IST1: variants seen among roughly 807,000 people sequenced by gnomAD.
IST1 encodes the protein IST1 homolog.
Under a neutral mutation model 37.0 loss-of-function variants are expected in IST1, and 23 were observed. That is an observed-to-expected ratio of 0.62 (90% CI 0.45 to 0.88). The LOEUF (loss-of-function observed/expected upper bound fraction) is 0.88. IST1 is among the 40% of genes least tolerant of loss of function. IST1 has a pLI of 0.00. For missense variants in IST1, 488 were observed against 445.4 expected (o/e 1.10, Z -0.86); for synonymous variants, 180 against 161.7 (o/e 1.11, Z -0.86).
At chr16:71,909,255 G>GCACCCC (rs1306523421) in intron 1 of IST1, among the ~76,000 whole-genome samples, 1 of 151,890 alleles carries the variant, frequency 6.6e-6, no homozygotes, top group Non-Finnish European at 1.5e-5. Flanking sequence ...CTACAGGCGT[G>GCACCCC]CACCCCCACA....
In IST1 at chr16:71,922,636, C is replaced by G; in HGVS notation, c.715C>G (p.Pro239Ala). 6.2e-7 allele frequency: 1 copy of G among 1,613,614 alleles called. No individual in the cohort carries two copies. The change falls in exon 7 of 10, where the codon CCA (proline) becomes GCA (alanine). Residue 239 changes from proline (P) to alanine (A), a missense_variant. Physicochemically the swap from Pro to Ala is conservative, Grantham distance 27 (BLOSUM62 -1). Around this residue, in one of 2 missense-constraint regions of IST1, gnomAD observed 455 missense variants for 386.2 expected, o/e 1.18. Transcript: ENST00000378799. ...GCCCATGCCCATGCCCATGCCTATGCCATCTGCAAATACGCCTTTCTCATA... is the reference window on the plus strand; with the variant it reads ...GCCCATGCCCATGCCCATGCCTATGGCATCTGCAAATACGCCTTTCTCATA... Reference protein sequence around the residue: ...PMPMPMPMPMPSANTPFSYPL... With the variant: ...PMPMPMPMPMASANTPFSYPL...
intron 5 of IST1, 100 bp from the exon 6 acceptor site, chr16:71,921,243 A>G (rs557565631): frequency 2.7e-6 from 2 of 742,708 alleles, no homozygotes; most frequent in African/African-American, 1.7e-5. Context: ...TTTTCCCTCA[A>G]TATTACCTGT....
intron 2 of IST1, 42 bp downstream of exon 2, chr16:71,915,770 T>C: frequency 8.3e-7 from 1 of 1,202,130 alleles, no homozygotes; most frequent in Non-Finnish European, 1.2e-6. Context: ...AATCACTGGA[T>C]ACTAGCACCC....
intron 6 of IST1, 181 bp downstream of exon 6, chr16:71,921,634 A>T: frequency 5.6e-6 from 3 of 538,318 alleles, no homozygotes; most frequent in Non-Finnish European, 1.0e-5. Context: ...AATTAGATGA[A>T]TGACAACACT....
intron 4 of IST1, 71 bp from the exon 5 acceptor site, chr16:71,920,668 T>G: frequency 9.3e-7 from 1 of 1,079,546 alleles, no homozygotes. Flanking sequence ...TGTTTACTGT[T>G]GCCAGGAAGA....
At position 71,930,447 on chromosome 16, in the gene IST1, T is replaced by C; in HGVS notation, c.*2634T>C. On this transcript the variant is annotated 3_prime_UTR_variant, in exon 10 of 10. Transcript: ENST00000378799. ...TGAGTTGCAGTGGAATTGGAAATGA[T>C]TCAAATGTCACATGAGTTTTGGCAA... 3.3e-6 allele frequency: 1 copy of C among 298,966 alleles called. No homozygotes were observed. The highest frequency in any genetic ancestry group is 6.1e-6 in the Non-Finnish European group (1 of 163,144). 18.5% of individuals were successfully genotyped at this position (298,966 alleles called of 1,614,324 possible).
At chr16:71,896,666 G>A (rs190322558) in intron 1 of IST1, among the ~76,000 whole-genome samples, 5 of 152,230 alleles carry the variant, frequency 3.3e-5, no homozygotes, top group African/African-American at 1.2e-4. Flanking sequence ...TGGGATAGGG[G>A]GACTTGGTAA....
At position 71,899,761 on chromosome 16, in the gene IST1, C is replaced by A. The variant is rs575719921; in HGVS notation, c.-16+4172C>A. Among the ~76,000 whole-genome samples, 181 of 148,890 alleles carry A rather than the reference C, an allele frequency of 1.2e-3. 4 individuals are homozygous for A. The South Asian group carries it at 0.038, about 31-fold the overall frequency. On this transcript the variant is annotated intron_variant, in intron 1 of 9. Coordinates refer to ENST00000378799, the MANE Select transcript of IST1 (RefSeq NM_001270975.2). The stretch of plus-strand genomic sequence containing the variant: ...GCGAACAGCCGGGCATGGTGGCTAA[C>A]GCCTGTAATCCCAGCACTTCGGGAG...
Position 71,895,537 on chromosome 16 carries a change from G to T in IST1, c.-68G>T. ...TGAGGCCGAGGGAGTCGCCATTTTG[G>T]ATGGTGAACCCTGAAGTCGGTGTCT... On this transcript the variant is annotated 5_prime_UTR_variant, in exon 1 of 10. Transcript: ENST00000378799. 1.0e-6 allele frequency: 1 copy of T among 985,706 alleles called. No individual in the cohort carries two copies. Among genetic ancestry groups the T allele is most frequent in the African/African-American group, 1.7e-5 (1 of 57,368 alleles). 61.1% of individuals were successfully genotyped at this position (985,706 alleles called of 1,614,324 possible). A position where few individuals can be genotyped will look rare whatever the true frequency, so the allele number is the denominator to read the frequency against.
chr16:71,926,415 C>G lies in IST1; in HGVS notation c.902-1199C>G, dbSNP rs891933089. 2.0e-5 allele frequency among the ~76,000 whole-genome samples: 3 copies of G among 151,602 alleles called. No homozygotes were observed. The East Asian group carries it at 5.8e-4, about 29-fold the overall frequency. On this transcript the variant is annotated intron_variant, in intron 9 of 9. Coordinates refer to ENST00000378799, the MANE Select transcript of IST1 (RefSeq NM_001270975.2). ...CTGGAATGCAGTGGCGTGATCTCGG[C>G]TCATTGCAAGCTCCACCTCCCGGGT...
At chr16:71,895,452 C>A, upstream of IST1, 1 of 922,574 alleles carries the variant, frequency 1.1e-6, no homozygotes, top group Non-Finnish European at 1.3e-6. Context: ...CAGCCAATCC[C>A]TGGAAAGGAG....
At chr16:71,908,317 T>TTTTTTG in intron 1 of IST1, among the ~76,000 whole-genome samples, 1 of 147,228 alleles carries the variant, frequency 6.8e-6, no homozygotes, top group East Asian at 2.0e-4. Context: ...TTTTTTTTTT[T>TTTTTTG]TGGAGACAGT....
At chr16:71,912,268 C>T (rs546160007) in intron 1 of IST1, among the ~76,000 whole-genome samples, 6 of 151,730 alleles carry the variant, frequency 4.0e-5, no homozygotes, top group Non-Finnish European at 7.4e-5. Flanking sequence ...GACGGAATCT[C>T]GCTCTGTCAC....
intron 1 of IST1, among the ~76,000 whole-genome samples, chr16:71,913,501 TTTTG>T (rs2037402498): frequency 3.9e-5 from 6 of 152,200 alleles, no homozygotes; most frequent in Admixed American, 2.6e-4. Context: ...AGCTCTTGGT[TTTTG>T]TTTGTTTGTT....
chr16:71,919,485 C>A (rs1164865417), intron 4 of IST1, among the ~76,000 whole-genome samples: 1 of 152,208 alleles, frequency 6.6e-6, no homozygotes, highest in African/African-American at 2.4e-5. Flanking sequence ...CTGGGCTCAA[C>A]TGATCATCCT....
At chr16:71,922,253 G>A (rs2142586396) in intron 6 of IST1, among the ~76,000 whole-genome samples, 1 of 152,342 alleles carries the variant, frequency 6.6e-6, no homozygotes, top group Middle Eastern at 3.4e-3. Context: ...GTCCATTCCA[G>A]CTGCAGAAGT....
At chr16:71,922,349 C>T in intron 6 of IST1, 125 bp from the exon 7 acceptor site, 1 of 770,404 alleles carries the variant, frequency 1.3e-6, no homozygotes, top group Non-Finnish European at 2.2e-6. Context: ...TCTTCCCCCA[C>T]AGGTGTTGAT....
intron 1 of IST1, among the ~76,000 whole-genome samples, chr16:71,914,833 GAATTTA>G (rs2037434013): frequency 6.6e-6 from 1 of 152,118 alleles, no homozygotes; most frequent in Non-Finnish European, 1.5e-5. Context: ...TTTGAGTCCA[GAATTTA>G]AATTTAGAGA....
At chr16:71,914,764 T>G (rs1456785236) in intron 1 of IST1, among the ~76,000 whole-genome samples, 2 of 152,246 alleles carry the variant, frequency 1.3e-5, no homozygotes, top group South Asian at 4.1e-4. Context: ...TTTTGATTTG[T>G]CTGTTCTTCA....
Sources: gnomAD v4.1 joint callset for allele counts (sites outside exome capture counted in the v4.1 genomes callset) on GRCh38, gnomAD v4.1.1 for gene constraint, gnomAD v4.1.1 regional missense constraint, MANE v1.5 for transcripts, NCBI Gene and HGNC (gene_info 2026-07-23, HGNC 2026-07-21) for gene names.